TTC21B: variants seen among roughly 807,000 people sequenced by gnomAD.
TTC21B encodes the protein tetratricopeptide repeat domain 21B.
TTC21B carries 127 observed loss-of-function variants against 175.1 expected under a neutral mutation model. The observed-to-expected ratio is 0.73, with a 90% CI of 0.63 to 0.84. The LOEUF (loss-of-function observed/expected upper bound fraction) is 0.84. Ranked by LOEUF, TTC21B falls within the 40% of genes least tolerant of loss-of-function variation. The probability of loss-of-function intolerance (pLI) is 0.00; values close to 1 mark genes in which losing one functional copy is unlikely to be tolerated. For synonymous variants in TTC21B, 524 were observed against 524.5 expected (o/e 1.00, Z 0.01); for missense variants, 1,561 against 1,558.3 (o/e 1.00, Z -0.03).
At chr2:165,896,578 T>C (rs1390308159) in intron 22 of TTC21B, among the ~76,000 whole-genome samples, 2 of 152,128 alleles carry the variant, frequency 1.3e-5, no homozygotes, top group African/African-American at 4.8e-5. Context: ...GAAGTGGTGC[T>C]ACTTGATGTA....
At position 165,949,778 on chromosome 2, in the gene TTC21B, C is replaced by T. The variant is rs1195685639; in HGVS notation, c.22-54G>A. 5 of 1,531,988 alleles carry T rather than the reference C, an allele frequency of 3.3e-6. No individual in the cohort carries two copies. The Admixed American group carries it at 6.7e-5, about 21-fold the overall frequency. The allele number at this position is 1,531,988 out of a possible 1,614,324, so 94.9% of individuals were successfully genotyped here. A position where few individuals can be genotyped will look rare whatever the true frequency, so the allele number is the denominator to read the frequency against. On this transcript the variant is annotated intron_variant, in intron 1 of 28. Coordinates refer to ENST00000243344, the MANE Select transcript of TTC21B (RefSeq NM_024753.5). ...AAAGGAATTCTGGTGCTCTGAAATA[C>T]TCTAAGAAGCAGATAATAATCTAAC...
In TTC21B at chr2:165,929,642, T is replaced by C; in HGVS notation, c.1185+8A>G. The C allele has an allele frequency of 6.3e-7, 1 of 1,593,492 alleles. No homozygotes were observed. The highest frequency in any genetic ancestry group is 8.6e-7 in the Non-Finnish European group (1 of 1,161,962). On this transcript the variant is annotated splice_region_variant and intron_variant, in intron 10 of 28. Coordinates refer to ENST00000243344, the MANE Select transcript of TTC21B (RefSeq NM_024753.5). ...GCATCTACCAGCTGATAAAATAAAATACTGTACCGCAGATTTTCCAATGGA... is the reference window on the plus strand; with the variant it reads ...GCATCTACCAGCTGATAAAATAAAACACTGTACCGCAGATTTTCCAATGGA...
At chr2:165,937,796 C>CAT (rs1214157367) in intron 6 of TTC21B, among the ~76,000 whole-genome samples, 9 of 145,992 alleles carry the variant, frequency 6.2e-5, no homozygotes, top group Admixed American at 6.0e-4. Flanking sequence ...CACACACACA[C>CAT]ACACACACAC....
chr2:165,901,846 G>A lies in TTC21B; in HGVS notation c.2633C>T (p.Ala878Val). 1 of 1,613,758 alleles carries A rather than the reference G, an allele frequency of 6.2e-7. No homozygotes were observed. The highest frequency in any genetic ancestry group is 8.5e-7 in the Non-Finnish European group (1 of 1,179,950). ...VQMEQPDAVPAQKHLAAEICA... is the reference protein window; with the variant it reads ...VQMEQPDAVPVQKHLAAEICA... Reference sequence around the variant, plus strand: ...AATTTCAGCTGCTAAATGTTTCTGTGCAGGAACTGCATCTGGCTGTTCCAT... The same window carrying A: ...AATTTCAGCTGCTAAATGTTTCTGTACAGGAACTGCATCTGGCTGTTCCAT... The change falls in exon 20 of 29, where the codon GCA (alanine) becomes GTA (valine). Residue 878 changes from alanine (A) to valine (V), a missense_variant. Transcript: ENST00000243344.
intron 22 of TTC21B, among the ~76,000 whole-genome samples, chr2:165,891,603 ATT>A (rs2105293001): frequency 6.6e-6 from 1 of 151,986 alleles, no homozygotes; most frequent in African/African-American, 2.4e-5. Flanking sequence ...TCATTCATTC[ATT>A]CATTCATTCA....
intron 28 of TTC21B, 125 bp downstream of exon 28, chr2:165,876,040 A>G: frequency 1.5e-6 from 1 of 677,506 alleles, no homozygotes; most frequent in South Asian, 1.7e-5. Context: ...CTCCCTAAAC[A>G]TACTGATAAA....
At chr2:165,876,324 G>A in intron 27 of TTC21B, 92 bp from the exon 28 acceptor site, 1 of 823,250 alleles carries the variant, frequency 1.2e-6, no homozygotes, top group Non-Finnish European at 2.1e-6. Context: ...ACTCACTAGA[G>A]AATGGTAAGG....
At chr2:165,885,927 C>T (rs1304377971) in intron 25 of TTC21B, among the ~76,000 whole-genome samples, 1 of 152,188 alleles carries the variant, frequency 6.6e-6, no homozygotes, top group Non-Finnish European at 1.5e-5. Flanking sequence ...GACAATACAG[C>T]TGTTATTATA....
At chr2:165,912,413 T>A (rs1685985095) in intron 17 of TTC21B, 101 bp downstream of exon 17, 2 of 909,018 alleles carry the variant, frequency 2.2e-6, no homozygotes, top group Admixed American at 3.4e-5. Context: ...ATTTGGAGTT[T>A]ACAACCATTA....
Position 165,883,915 on chromosome 2 carries a change from C to T in TTC21B, c.3563G>A (p.Trp1188Ter). 6.2e-7 allele frequency: 1 copy of T among 1,614,062 alleles called. No individual in the cohort carries two copies. The highest frequency in any genetic ancestry group is 8.5e-7 in the Non-Finnish European group (1 of 1,179,994). The change falls in exon 26 of 29, where the codon TGG (tryptophan) becomes TAG (stop). Residue 1188 changes from tryptophan (W) to a stop codon, truncating the protein, a stop_gained. Transcript: ENST00000243344. LOFTEE classifies it high-confidence loss of function. ...AAACTCTTCAGCATCAATAGCATTC[C>T]AATTCATTTTCGCAATACGCTTCAG... ...NQLKRIAKMN[W>*]NAIDAEEFEK...
chr2:165,928,980 A>G, intron 11 of TTC21B, 155 bp downstream of exon 11: 1 of 693,836 alleles, frequency 1.4e-6, no homozygotes, highest in Non-Finnish European at 2.6e-6. Flanking sequence ...TCATTACTAA[A>G]AACAGTCTGA....
chr2:165,910,740 C>CA (rs1228520820), intron 18 of TTC21B, among the ~76,000 whole-genome samples: 1 of 152,074 alleles, frequency 6.6e-6, no homozygotes, highest in Non-Finnish European at 1.5e-5. Flanking sequence ...CTAACTTTAT[C>CA]ACTCATCAAA....
chr2:165,940,039 C>A (rs1687305912), intron 6 of TTC21B, among the ~76,000 whole-genome samples: 1 of 152,170 alleles, frequency 6.6e-6, no homozygotes, highest in African/African-American at 2.4e-5. Flanking sequence ...GCATTCTGAA[C>A]ACTTCACAAC....
At chr2:165,930,042 G>A (rs1559066739) in intron 9 of TTC21B, 130 bp downstream of exon 9, 12 of 800,000 alleles carry the variant, frequency 1.5e-5, no homozygotes, top group East Asian at 5.4e-5. Flanking sequence ...TGACTTTTTC[G>A]AGTGTGGGCA....
chr2:165,931,882 C>T, intron 7 of TTC21B, 26 bp from the exon 8 acceptor site: 1 of 1,481,752 alleles, frequency 6.7e-7, no homozygotes, highest in South Asian at 1.1e-5. Flanking sequence ...CTGGTATTAA[C>T]TTAAAATATA....
At chr2:165,912,089 G>A (rs1685970940) in intron 17 of TTC21B, among the ~76,000 whole-genome samples, 1 of 151,906 alleles carries the variant, frequency 6.6e-6, no homozygotes, top group African/African-American at 2.4e-5. Context: ...TTGTACATAT[G>A]GTCAACAATT....
In TTC21B at chr2:165,873,984, T is replaced by A. The variant is rs1298279847; in HGVS notation, c.*771A>T. Reference sequence around the variant, plus strand: ...CCTTTATTAAAATATATATTTAAAATATATATATTGTCTTTTTCATGAGTT... The same window carrying A: ...CCTTTATTAAAATATATATTTAAAAAATATATATTGTCTTTTTCATGAGTT... On this transcript the variant is annotated 3_prime_UTR_variant, in exon 29 of 29. Transcript: ENST00000243344. The A allele has an allele frequency of 1.3e-5, 2 of 151,956 alleles. No individual in the cohort carries two copies. Among genetic ancestry groups the A allele is most frequent in the African/African-American group, 4.8e-5 (2 of 41,500 alleles). The allele number at this position is 151,956 out of a possible 1,614,324, so 9.4% of individuals were successfully genotyped here.
chr2:165,898,657 C>T (rs1396185615), intron 22 of TTC21B, 29 bp downstream of exon 22: 4 of 1,491,016 alleles, frequency 2.7e-6, no homozygotes, highest in African/African-American at 2.8e-5. Context: ...GGTGACTGCA[C>T]TCAAAAAATA....
chr2:165,882,343 C>G (rs1395719656), intron 26 of TTC21B, among the ~76,000 whole-genome samples: 1 of 152,194 alleles, frequency 6.6e-6, no homozygotes, highest in Non-Finnish European at 1.5e-5. Flanking sequence ...AGTCAGTTCA[C>G]TAGCATACTG....
Sources: allele counts gnomAD v4.1 joint callset (sites outside exome capture counted in the v4.1 genomes callset), GRCh38; gene constraint gnomAD v4.1.1; transcripts MANE v1.5; gene names NCBI Gene and HGNC (gene_info 2026-07-23, HGNC 2026-07-21).